MCTP1: variants seen among roughly 807,000 people sequenced by gnomAD.
MCTP1 encodes the protein multiple C2 and transmembrane domain containing 1.
In MCTP1, 69 loss-of-function variants were observed where a neutral mutation model predicts 120.6. That is an observed-to-expected ratio of 0.57 (90% confidence interval 0.47 to 0.70). MCTP1 has a LOEUF of 0.70. Among genes scored for constraint, MCTP1 ranks in the 30% least tolerant of loss-of-function variants. The probability of loss-of-function intolerance (pLI) is 0.00; values close to 1 mark genes in which losing one functional copy is unlikely to be tolerated. For synonymous variants in MCTP1, 529 were observed against 493.1 expected, an observed-to-expected ratio of 1.07 and a Z score of -0.96; for missense variants, 1,203 against 1,248.8, an observed-to-expected ratio of 0.96 and a Z score of 0.55.
intron 1 of MCTP1, among the ~76,000 whole-genome samples, chr5:95,256,523 T>C (rs1171294104): frequency 6.6e-6 from 1 of 152,192 alleles, no homozygotes; most frequent in Non-Finnish European, 1.5e-5. Flanking sequence ...CTACATTGCA[T>C]CCTCTGTTCC....
At chr5:94,725,567 T>G (rs1761954240) in intron 19 of MCTP1, among the ~76,000 whole-genome samples, 1 of 152,230 alleles carries the variant, frequency 6.6e-6, no homozygotes. Flanking sequence ...CATTTTCAAA[T>G]ATGTGTTTGA....
chr5:94,971,283 C>T (rs767559428), intron 2 of MCTP1, among the ~76,000 whole-genome samples: 3 of 151,902 alleles, frequency 2.0e-5, no homozygotes, highest in Non-Finnish European at 2.9e-5. Context: ...AACACCAAAA[C>T]CTGTTTCATT....
chr5:95,234,188 G>A (rs17084532), intron 1 of MCTP1, among the ~76,000 whole-genome samples: 20,365 of 152,140 alleles, frequency 0.13, 1,348 homozygotes, highest in Middle Eastern at 0.19. Context: ...AATAACGAGA[G>A]ACCATCCAGA....
chr5:94,989,294 T>G (rs181941272), intron 2 of MCTP1, among the ~76,000 whole-genome samples: 7 of 152,144 alleles, frequency 4.6e-5, no homozygotes, highest in African/African-American at 1.4e-4. Context: ...ACAAAGAAGG[T>G]CCCTTTTGTC....
At chr5:94,929,627 C>T (rs1814042027) in intron 6 of MCTP1, 1 of 973,518 alleles carries the variant, frequency 1.0e-6, no homozygotes, top group Non-Finnish European at 1.2e-6. Flanking sequence ...TAGTCCCTTA[C>T]CCCTTAGTTT....
intron 1 of MCTP1, among the ~76,000 whole-genome samples, chr5:95,210,203 G>C (rs1193799115): frequency 1.3e-5 from 2 of 152,138 alleles, no homozygotes; most frequent in Non-Finnish European, 2.9e-5. Context: ...ACTTGGTGCA[G>C]AGCTGAGTAA....
Position 94,870,946 on chromosome 5 carries a change from C to T in MCTP1, c.2167G>A (p.Val723Ile), listed in dbSNP as rs371946729. ...SIQNGEQKAY[V>I]LKNKQLTGPT... is the part of the protein sequence containing the mutation. ...CCTGTCAGCTGCTTGTTTTTCAAGACGTAGGCTTTCTGTTCACCATTTTGA... is the reference window on the plus strand; with the variant it reads ...CCTGTCAGCTGCTTGTTTTTCAAGATGTAGGCTTTCTGTTCACCATTTTGA... The change falls in exon 15 of 23, where the codon GTC becomes ATC. Residue 723 changes from valine to isoleucine, a missense_variant. Physicochemically the swap from Val to Ile is conservative, Grantham distance 29. Around this residue, in one of 2 missense-constraint regions of MCTP1, gnomAD observed 740 missense variants for 871.1 expected, o/e 0.85. Transcript: ENST00000515393. The T allele has an allele frequency of 3.9e-5, 63 of 1,613,004 alleles. No homozygotes were observed. The Admixed American group carries it at 4.7e-4, about 12-fold the overall frequency.
At chr5:95,246,005 A>AAG (rs199899246) in intron 1 of MCTP1, among the ~76,000 whole-genome samples, 23,005 of 152,070 alleles carry the variant, frequency 0.15, 1,897 homozygotes, top group Non-Finnish European at 0.19. Flanking sequence ...TACAAGCCAG[A>AAG]AGAGTGGGAG....
At chr5:94,896,181 A>C (rs947444196) in intron 10 of MCTP1, among the ~76,000 whole-genome samples, 6 of 152,202 alleles carry the variant, frequency 3.9e-5, no homozygotes, top group Admixed American at 3.3e-4. Context: ...CTGAGGTTAA[A>C]AATTTTCACA....
At position 95,284,675 on chromosome 5, in the gene MCTP1, G is replaced by T; in HGVS notation, c.-100C>A. Reference sequence around the variant, plus strand: ...CTCCTCCCGGGTCCCCGCGGCGCTGGCGGTGGCGGCGGCGGCGGCGGCGGG... The same window carrying T: ...CTCCTCCCGGGTCCCCGCGGCGCTGTCGGTGGCGGCGGCGGCGGCGGCGGG... On this transcript the variant is annotated 5_prime_UTR_variant, in exon 1 of 23. Transcript: ENST00000515393. The surrounding 1 kb of genome is among the most constrained non-coding windows in gnomAD (Gnocchi z 5.2). 1 of 1,060,942 alleles carries T rather than the reference G, an allele frequency of 9.4e-7. No homozygotes were observed. The allele number at this position is 1,060,942 out of a possible 1,614,324, so 65.7% of individuals were successfully genotyped here. A position where few individuals can be genotyped will look rare whatever the true frequency, so the allele number is the denominator to read the frequency against.
At chr5:94,775,979 A>T (rs1338304583) in intron 19 of MCTP1, among the ~76,000 whole-genome samples, 1 of 147,750 alleles carries the variant, frequency 6.8e-6, no homozygotes, top group Admixed American at 6.8e-5. Flanking sequence ...ATATATATAT[A>T]TATTTAAAAA....
At chr5:94,978,244 T>C (rs1465779446) in intron 2 of MCTP1, among the ~76,000 whole-genome samples, 22 of 152,072 alleles carry the variant, frequency 1.4e-4, no homozygotes. Flanking sequence ...CCTTGTACAC[T>C]GTTGGTGGGA....
At chr5:95,192,091 A>T (rs909855215) in intron 1 of MCTP1, among the ~76,000 whole-genome samples, 8 of 151,946 alleles carry the variant, frequency 5.3e-5, no homozygotes, top group Non-Finnish European at 1.5e-5. Context: ...TATCATCCAT[A>T]CCCTGCTGCT....
At chr5:94,834,833 T>C in intron 17 of MCTP1, among the ~76,000 whole-genome samples, 1 of 96,878 alleles carries the variant, frequency 1.0e-5, no homozygotes, top group South Asian at 3.6e-4. Context: ...TTTTTTTTTT[T>C]TGAGATGGAG....
At chr5:95,247,263 C>G (rs1256410546) in intron 1 of MCTP1, among the ~76,000 whole-genome samples, 1 of 152,030 alleles carries the variant, frequency 6.6e-6, no homozygotes, top group South Asian at 2.1e-4. Flanking sequence ...TTTATTGCAT[C>G]TATTTGATTC....
intron 18 of MCTP1, among the ~76,000 whole-genome samples, chr5:94,795,238 T>C (rs1335678919): frequency 2.6e-5 from 3 of 113,436 alleles, no homozygotes; most frequent in Admixed American, 1.4e-4. Context: ...TTACAACTGA[T>C]GAAGGGACCT....
chr5:95,061,597 G>C (rs1214410499), intron 1 of MCTP1, among the ~76,000 whole-genome samples: 1 of 150,608 alleles, frequency 6.6e-6, no homozygotes, highest in African/African-American at 2.4e-5. Flanking sequence ...CACTACGCCC[G>C]GCTAATTTTT....
chr5:94,746,191 T>A (rs1459118655), intron 19 of MCTP1, among the ~76,000 whole-genome samples: 1 of 152,218 alleles, frequency 6.6e-6, no homozygotes, highest in African/African-American at 2.4e-5. Context: ...ACAAAGTCCG[T>A]CTTCCATTAG....
At chr5:95,197,028 T>G (rs960470310) in intron 1 of MCTP1, among the ~76,000 whole-genome samples, 1 of 152,140 alleles carries the variant, frequency 6.6e-6, no homozygotes, top group Non-Finnish European at 1.5e-5. Flanking sequence ...TGGCTTTTGT[T>G]TTTAGTACTC....
Sources: allele counts gnomAD v4.1 joint callset (sites outside exome capture counted in the v4.1 genomes callset), GRCh38; gene constraint gnomAD v4.1.1; regional missense constraint gnomAD v4.1.1; non-coding constraint Gnocchi (gnomAD v3.1); transcripts MANE v1.5; gene names NCBI Gene and HGNC (gene_info 2026-07-23, HGNC 2026-07-21).